The following ADCY1 variants were observed in gnomAD, a reference collection of about 807,000 sequenced individuals.
ADCY1 encodes the protein adenylate cyclase type 1.
Under a neutral mutation model 105.4 loss-of-function variants are expected in ADCY1, and 28 were observed. The observed-to-expected ratio is 0.27, with a 90% CI of 0.20 to 0.36. The LOEUF (loss-of-function observed/expected upper bound fraction) is 0.36. Ranked by LOEUF, ADCY1 falls within the 10% of genes least tolerant of loss-of-function variation. ADCY1 has a pLI of 1.00. For synonymous variants in ADCY1, 655 were observed against 623.8 expected (o/e 1.05, Z -0.75); for missense variants, 977 against 1,434.2 (o/e 0.68, Z 5.15).
At chr7:45,610,795 G>T (rs1194069062) in intron 3 of ADCY1, among the ~76,000 whole-genome samples, 23 of 135,702 alleles carry the variant, frequency 1.7e-4, no homozygotes, top group Middle Eastern at 3.8e-3. Context: ...TGATGGTGGA[G>T]GTGGGGAGGT....
rs371067958 is a variant in ADCY1 at position 45,583,053 on chromosome 7, A to G, written c.639+7871A>G. Among the ~76,000 whole-genome samples the G allele has an allele frequency of 7.5e-4, 114 of 152,308 alleles. 6 individuals are homozygous for G. In the South Asian group the frequency reaches 0.022, roughly 29 times the overall value. ...AGCTGAGAAGAGCTGTCTGCTTCCC[A>G]GAGCTCGGGTGTGACTTCGTAGAGC... On this transcript the variant is annotated intron_variant, in intron 1 of 19. Transcript: ENST00000297323.
At chr7:45,700,147 G>A (rs1391976424) in intron 14 of ADCY1, among the ~76,000 whole-genome samples, 1 of 152,176 alleles carries the variant, frequency 6.6e-6, no homozygotes, top group Non-Finnish European at 1.5e-5. Flanking sequence ...CCCCTCTGGT[G>A]TTTCTGCCCT....
At chr7:45,654,882 GGGA>G (rs570949020) in intron 5 of ADCY1, among the ~76,000 whole-genome samples, 139 of 152,296 alleles carry the variant, frequency 9.1e-4, no homozygotes, top group Non-Finnish European at 1.6e-3. Flanking sequence ...AGGTAGGGAA[GGGA>G]GGAGCCCAAG....
chr7:45,637,872 T>C (rs889110777), intron 4 of ADCY1, among the ~76,000 whole-genome samples: 9 of 152,266 alleles, frequency 5.9e-5, no homozygotes, highest in African/African-American at 2.2e-4. Context: ...AATTCTAGGT[T>C]GACAGTTTTG....
chr7:45,584,485 A>C (rs1792660279), intron 1 of ADCY1, among the ~76,000 whole-genome samples: 1 of 152,196 alleles, frequency 6.6e-6, no homozygotes, highest in Admixed American at 6.5e-5. Context: ...CCTGGGACAG[A>C]GCCCCCCGCT....
At chr7:45,577,684 A>G in intron 1 of ADCY1, among the ~76,000 whole-genome samples, 1 of 152,202 alleles carries the variant, frequency 6.6e-6, no homozygotes, top group Non-Finnish European at 1.5e-5. Context: ...TGAAAAATGG[A>G]GTGAATGAAC....
intron 16 of ADCY1, among the ~76,000 whole-genome samples, 163 bp from the exon 17 acceptor site, chr7:45,704,355 T>G (rs1785066102): frequency 6.6e-6 from 1 of 152,226 alleles, no homozygotes; most frequent in Non-Finnish European, 1.5e-5. Flanking sequence ...GCCTCACCTC[T>G]TCTTGCCAGT....
intron 1 of ADCY1, 41 bp from the exon 2 acceptor site, chr7:45,592,718 G>T (rs1445867736): frequency 6.2e-7 from 1 of 1,612,612 alleles, no homozygotes; most frequent in Admixed American, 1.7e-5. Context: ...TGTGTGTGTG[G>T]GATGTCAGGC....
At chr7:45,612,763 A>G (rs1337725422) in intron 3 of ADCY1, among the ~76,000 whole-genome samples, 3 of 152,178 alleles carry the variant, frequency 2.0e-5, no homozygotes, top group Non-Finnish European at 4.4e-5. Context: ...ACAAGCCTCT[A>G]TCTCTCCCCT....
rs537345955 is a variant in ADCY1, at chr7:45,620,756, G to C, written c.909-1876G>C. On this transcript the variant is annotated intron_variant, in intron 3 of 19. Transcript: ENST00000297323. ...TCAGCTGATTTTTCATCGGAAACCA[G>C]GGAGGCCAGAAGGCAGTGGAATGGC... Among the ~76,000 whole-genome samples, 4 of 152,310 alleles carry C rather than the reference G, an allele frequency of 2.6e-5. No homozygotes were observed. In the South Asian group the frequency reaches 8.3e-4, roughly 32 times the overall value.
chr7:45,578,460 T>A (rs1173457070), intron 1 of ADCY1, among the ~76,000 whole-genome samples: 2 of 152,102 alleles, frequency 1.3e-5, no homozygotes, highest in Non-Finnish European at 2.9e-5. Context: ...ATTCAAGACA[T>A]CCTTGGCTGC....
intron 2 of ADCY1, among the ~76,000 whole-genome samples, chr7:45,597,491 A>T (rs1414485227): frequency 6.6e-6 from 1 of 152,160 alleles, no homozygotes; most frequent in Non-Finnish European, 1.5e-5. Context: ...ACCAGCCGGG[A>T]TGCATCCCTG....
intron 10 of ADCY1, among the ~76,000 whole-genome samples, chr7:45,678,526 A>G (rs535060669): frequency 6.6e-6 from 1 of 152,212 alleles, no homozygotes; most frequent in African/African-American, 2.4e-5. Context: ...AATTTACTTA[A>G]TTCTAAGACA....
At chr7:45,581,148 C>G (rs746188255) in intron 1 of ADCY1, among the ~76,000 whole-genome samples, 37 of 152,160 alleles carry the variant, frequency 2.4e-4, no homozygotes, top group Admixed American at 7.2e-4. Context: ...CAGTTTCTCC[C>G]TCACCAAAGG....
intron 6 of ADCY1, 142 bp downstream of exon 6, chr7:45,658,027 G>A (rs968297080): frequency 1.1e-4 from 108 of 990,182 alleles, no homozygotes; most frequent in East Asian, 2.1e-4. Context: ...TGTCCCAGCC[G>A]CACCTGCCAA....
Position 45,708,569 on chromosome 7 carries a change from G to T in ADCY1, c.2932+105G>T, listed in dbSNP as rs549283575. 1.5e-5 allele frequency: 13 copies of T among 863,724 alleles called. No individual in the cohort carries two copies. In the Middle Eastern group the frequency reaches 6.8e-4, roughly 45 times the overall value. The allele number at this position is 863,724 out of a possible 1,614,324, so 53.5% of individuals were successfully genotyped here. ...GGTACCCTGGTCTTACAGGAAGGAG[G>T]GTGGTGCCACCCAGGAGGGCATGGG... On this transcript the variant is annotated intron_variant, in intron 18 of 19. Coordinates refer to ENST00000297323, the MANE Select transcript of ADCY1 (RefSeq NM_021116.4). This position sits in a 1 kb window ranked among gnomAD's most constrained non-coding sequence, Gnocchi z 4.7.
chr7:45,601,208 G>T (rs191835713), intron 2 of ADCY1, among the ~76,000 whole-genome samples: 1 of 152,270 alleles, frequency 6.6e-6, no homozygotes, highest in Admixed American at 6.5e-5. Flanking sequence ...GCAGGCCTGG[G>T]CTGGGGGGAC....
At chr7:45,663,566 A>G (rs1160500545) in intron 8 of ADCY1, among the ~76,000 whole-genome samples, 1 of 152,182 alleles carries the variant, frequency 6.6e-6, no homozygotes, top group Non-Finnish European at 1.5e-5. Flanking sequence ...CATGCCTCTA[A>G]TCCCAGCACT....
intron 8 of ADCY1, among the ~76,000 whole-genome samples, chr7:45,665,373 C>T (rs1163249636): frequency 1.3e-5 from 2 of 152,162 alleles, no homozygotes; most frequent in Non-Finnish European, 2.9e-5. Context: ...GCCCACTGGG[C>T]CCACCAGGTG....
Sources: gnomAD v4.1 joint callset for allele counts (sites outside exome capture counted in the v4.1 genomes callset) on GRCh38, gnomAD v4.1.1 for gene constraint, Gnocchi (gnomAD v3.1) non-coding constraint, MANE v1.5 for transcripts, NCBI Gene and HGNC (gene_info 2026-07-23, HGNC 2026-07-21) for gene names.